The following STPG2 variants were observed in gnomAD, a reference collection of about 807,000 sequenced individuals.
The protein encoded by STPG2 is sperm tail PG-rich repeat containing 2, also known as sperm-tail PG-rich repeat-containing protein 2.
Under a neutral mutation model 54.2 loss-of-function variants are expected in STPG2, and 56 were observed. The observed-to-expected ratio is 1.03, with a 90% CI of 0.83 to 1.29. STPG2 has a LOEUF of 1.29. STPG2 is among the 50% of genes most tolerant of loss of function. The pLI is 0.00. For synonymous variants in STPG2, 200 were observed against 181.8 expected, an observed-to-expected ratio of 1.10 and a Z score of -0.81; for missense variants, 596 against 544.9, an observed-to-expected ratio of 1.09 and a Z score of -0.93.
downstream of STPG2, among the ~76,000 whole-genome samples, chr4:97,558,044 A>G (rs1732121089): frequency 1.3e-5 from 2 of 152,242 alleles, no homozygotes; most frequent in Admixed American, 6.5e-5. Flanking sequence ...GTCACTTTAC[A>G]TAAGAACCCT....
At chr4:97,736,380 C>A (rs571255135) in intron 9 of STPG2, among the ~76,000 whole-genome samples, 1 of 152,114 alleles carries the variant, frequency 6.6e-6, no homozygotes, top group African/African-American at 2.4e-5. Flanking sequence ...TGCAGCACAC[C>A]GTGCGCGAGT....
chr4:97,679,700 C>T (rs1333694518), intron 10 of STPG2, among the ~76,000 whole-genome samples: 1 of 152,074 alleles, frequency 6.6e-6, no homozygotes, highest in Non-Finnish European at 1.5e-5. Context: ...AAGTCCTTGC[C>T]CATGCCTATG....
chr4:97,696,169 C>G (rs1401514429), intron 10 of STPG2, among the ~76,000 whole-genome samples: 2 of 152,114 alleles, frequency 1.3e-5, no homozygotes, highest in Non-Finnish European at 2.9e-5. Context: ...AAAATAGGCA[C>G]ATAGACAAAT....
chr4:98,137,069 T>G (rs6815312), intron 1 of STPG2, among the ~76,000 whole-genome samples: 1 of 151,308 alleles, frequency 6.6e-6, no homozygotes, highest in Non-Finnish European at 1.5e-5. Context: ...ATTGTCAGAT[T>G]GAATAAAAAA....
chr4:98,020,716 G>C (rs1191513528), intron 5 of STPG2, among the ~76,000 whole-genome samples: 2 of 152,176 alleles, frequency 1.3e-5, no homozygotes, highest in Non-Finnish European at 2.9e-5. Flanking sequence ...GGTCTATTCA[G>C]AGATTCAACT....
At chr4:97,552,249 T>C (rs1461899299) in intron 4 of STPG2, among the ~76,000 whole-genome samples, 1 of 152,112 alleles carries the variant, frequency 6.6e-6, no homozygotes, top group Non-Finnish European at 1.5e-5. Flanking sequence ...TTATAAAATA[T>C]GTATAATAAA....
intron 10 of STPG2, among the ~76,000 whole-genome samples, chr4:97,562,204 T>C (rs930922884): frequency 6.6e-6 from 1 of 152,182 alleles, no homozygotes; most frequent in Non-Finnish European, 1.5e-5. Context: ...TTTGAAGCAA[T>C]TGTGAATGGG....
intron 4 of STPG2, among the ~76,000 whole-genome samples, chr4:98,108,022 T>C (rs1318313270): frequency 2.0e-5 from 3 of 152,036 alleles, no homozygotes; most frequent in Admixed American, 6.6e-5. Context: ...ATATTCCATA[T>C]TAAGAGAGTG....
At position 98,055,874 on chromosome 4, in the gene STPG2, G is replaced by T. The variant is rs533662665; in HGVS notation, c.612+50079C>A. Among the ~76,000 whole-genome samples, 363 of 152,230 alleles carry T rather than the reference G, an allele frequency of 2.4e-3. 2 individuals are homozygous for T. Among genetic ancestry groups the T allele is most frequent in the Middle Eastern group, 3.4e-3 (1 of 294 alleles). On this transcript the variant is annotated intron_variant, in intron 5 of 10. Transcript: ENST00000295268. The stretch of plus-strand genomic sequence containing the variant: ...CCATGCCTGTTAACAGGGCAGTTTT[G>T]AATGCTCTGGGAGCCCACACCATAG...
intron 5 of STPG2, among the ~76,000 whole-genome samples, chr4:98,019,354 C>A (rs1008984015): frequency 1.3e-5 from 2 of 152,104 alleles, no homozygotes; most frequent in Non-Finnish European, 2.9e-5. Flanking sequence ...TCTGAGGGCT[C>A]TGTTCTGTTC....
chr4:97,867,681 C>T (rs1441017724), intron 8 of STPG2, among the ~76,000 whole-genome samples: 1 of 152,012 alleles, frequency 6.6e-6, no homozygotes, highest in Admixed American at 6.6e-5. Flanking sequence ...AGTTGGCAGT[C>T]CAGGACTGAT....
intron 5 of STPG2, chr4:98,048,870 A>C (rs977101896): frequency 6.4e-6 from 1 of 156,326 alleles, no homozygotes; most frequent in African/African-American, 2.4e-5. Flanking sequence ...AAGACTACAG[A>C]GGAAATTTTG....
chr4:97,633,637 C>A (rs1560694630), intron 10 of STPG2: 1 of 152,434 alleles, frequency 6.6e-6, no homozygotes, highest in South Asian at 2.1e-4. Flanking sequence ...TGGGTGCGCG[C>A]ACCGTGCGCG....
At position 98,033,150 on chromosome 4, in the gene STPG2, T is replaced by C. The variant is rs1736653614; in HGVS notation, c.613-51832A>G. Among the ~76,000 whole-genome samples, 3 of 149,838 alleles carry C rather than the reference T, an allele frequency of 2.0e-5. No homozygotes were observed. The South Asian group carries it at 6.3e-4, about 32-fold the overall frequency. ...ACACAAAAAAAACCCTTCAAAAAAA[T>C]CAATGAATCCAGGAGCTAGTTTTTT... On this transcript the variant is annotated intron_variant, in intron 5 of 10. Coordinates refer to ENST00000295268, the MANE Select transcript of STPG2 (RefSeq NM_174952.3).
chr4:97,560,088 C>A (rs1732185095), intron 10 of STPG2, among the ~76,000 whole-genome samples: 1 of 152,138 alleles, frequency 6.6e-6, no homozygotes, highest in Non-Finnish European at 1.5e-5. Flanking sequence ...TCCTCCCAGA[C>A]TACAGATTCC....
chr4:97,775,338 T>A (rs932128650), intron 9 of STPG2, among the ~76,000 whole-genome samples: 2 of 152,186 alleles, frequency 1.3e-5, no homozygotes, highest in African/African-American at 4.8e-5. Context: ...ATGTGCCATG[T>A]TGGTGTGCTG....
intron 5 of STPG2, among the ~76,000 whole-genome samples, chr4:97,994,590 A>G (rs1735139753): frequency 6.6e-6 from 1 of 152,032 alleles, no homozygotes; most frequent in Admixed American, 6.6e-5. Flanking sequence ...AGATCTAGCC[A>G]CCCGGCAGAG....
intron 10 of STPG2, among the ~76,000 whole-genome samples, chr4:97,601,794 C>T (rs550181885): frequency 2.0e-5 from 3 of 151,858 alleles, no homozygotes; most frequent in South Asian, 4.1e-4. Flanking sequence ...GTTATATATT[C>T]TTTATAATTG....
intron 3 of STPG2, among the ~76,000 whole-genome samples, chr4:98,122,330 G>A (rs1416719166): frequency 1.3e-5 from 2 of 151,936 alleles, no homozygotes; most frequent in Non-Finnish European, 2.9e-5. Flanking sequence ...ATCGGCTGTG[G>A]GTTTGTCATA....
Sources: gnomAD v4.1 joint callset for allele counts (sites outside exome capture counted in the v4.1 genomes callset) on GRCh38, gnomAD v4.1.1 for gene constraint, MANE v1.5 for transcripts, NCBI Gene and HGNC (gene_info 2026-07-23, HGNC 2026-07-21) for gene names.